The following ITFG1 variants were observed in gnomAD, a reference collection of about 807,000 sequenced individuals.
The protein encoded by ITFG1 is T-cell immunomodulatory protein.
Under a neutral mutation model 81.8 loss-of-function variants are expected in ITFG1, and 34 were observed. The ratio of observed to expected loss-of-function variants is 0.42; its 90% CI spans 0.32 to 0.55. ITFG1 has a LOEUF of 0.55. ITFG1 is among the 20% of genes least tolerant of loss of function. The probability of loss-of-function intolerance (pLI) is 0.17; values close to 1 mark genes in which losing one functional copy is unlikely to be tolerated. For synonymous variants in ITFG1, 285 were observed against 270.6 expected (o/e 1.05, Z -0.52); for missense variants, 672 against 755.4 (o/e 0.89, Z 1.29).
At chr16:47,309,612 C>G (rs1284630418) in intron 10 of ITFG1, among the ~76,000 whole-genome samples, 1 of 152,154 alleles carries the variant, frequency 6.6e-6, no homozygotes, top group African/African-American at 2.4e-5. Flanking sequence ...TGAAATCTAT[C>G]CTTCAATTCT....
intron 6 of ITFG1, among the ~76,000 whole-genome samples, chr16:47,404,152 T>C (rs1420483785): frequency 6.6e-6 from 1 of 152,144 alleles, no homozygotes; most frequent in Non-Finnish European, 1.5e-5. Context: ...TGGGGGCTAG[T>C]GCTCTAGAGA....
chr16:47,250,817 G>A (rs1966064748), intron 12 of ITFG1, among the ~76,000 whole-genome samples: 1 of 152,240 alleles, frequency 6.6e-6, no homozygotes, highest in Non-Finnish European at 1.5e-5. Context: ...GGGGCAATGG[G>A]GGTGGACCCC....
At chr16:47,251,529 A>G (rs767851820) in intron 12 of ITFG1, among the ~76,000 whole-genome samples, 2 of 152,150 alleles carry the variant, frequency 1.3e-5, no homozygotes, top group Non-Finnish European at 2.9e-5. Flanking sequence ...ACAGCTTAAG[A>G]GAAGGAAGAC....
At chr16:47,341,652 C>G (rs949681960) in intron 8 of ITFG1, among the ~76,000 whole-genome samples, 3 of 151,650 alleles carry the variant, frequency 2.0e-5, no homozygotes, top group Non-Finnish European at 4.4e-5. Context: ...ATAGACAGAC[C>G]ATTAGAAAAG....
At chr16:47,366,677 GTTC>G (rs1285670251) in intron 7 of ITFG1, among the ~76,000 whole-genome samples, 1 of 152,156 alleles carries the variant, frequency 6.6e-6, no homozygotes, top group African/African-American at 2.4e-5. Context: ...TTTGTACAGA[GTTC>G]TTCTTATCAC....
intron 6 of ITFG1, among the ~76,000 whole-genome samples, chr16:47,386,232 G>A (rs573373728): frequency 1.3e-5 from 2 of 152,152 alleles, no homozygotes; most frequent in African/African-American, 2.4e-5. Flanking sequence ...TATAACAAAC[G>A]AAGAAACATT....
chr16:47,167,120 T>A (rs1159973753), intron 14 of ITFG1, among the ~76,000 whole-genome samples: 1 of 152,220 alleles, frequency 6.6e-6, no homozygotes, highest in Non-Finnish European at 1.5e-5. Context: ...ACCTCTAATC[T>A]GCTTTCATTC....
At chr16:47,332,934 T>C (rs1294005990) in intron 8 of ITFG1, among the ~76,000 whole-genome samples, 1 of 152,232 alleles carries the variant, frequency 6.6e-6, no homozygotes, top group Non-Finnish European at 1.5e-5. Context: ...TATGAAATAA[T>C]TGAAACATCA....
At chr16:47,326,986 T>C (rs1223968097) in intron 8 of ITFG1, among the ~76,000 whole-genome samples, 1 of 152,094 alleles carries the variant, frequency 6.6e-6, no homozygotes, top group Non-Finnish European at 1.5e-5. Flanking sequence ...TTAAAGTGCA[T>C]ATGGAACCAA....
intron 6 of ITFG1, among the ~76,000 whole-genome samples, chr16:47,417,391 G>C (rs563521259): frequency 6.6e-6 from 1 of 152,208 alleles, no homozygotes; most frequent in South Asian, 2.1e-4. Context: ...ATTTATTTCT[G>C]TGTGTCAGGA....
chr16:47,254,109 A>T (rs1339856254), intron 12 of ITFG1, among the ~76,000 whole-genome samples: 1 of 151,996 alleles, frequency 6.6e-6, no homozygotes, highest in Non-Finnish European at 1.5e-5. Context: ...CATTATGAGG[A>T]GGTGAGGTCT....
intron 5 of ITFG1, among the ~76,000 whole-genome samples, chr16:47,429,648 G>T (rs1035596113): frequency 6.6e-6 from 1 of 152,122 alleles, no homozygotes; most frequent in Non-Finnish European, 1.5e-5. Flanking sequence ...TTTCACTGTG[G>T]TTTGATTTGT....
intron 14 of ITFG1, among the ~76,000 whole-genome samples, chr16:47,179,877 C>T (rs532648031): frequency 5.9e-5 from 9 of 152,162 alleles, no homozygotes; most frequent in African/African-American, 1.2e-4. Context: ...CTTCTTAAAA[C>T]GACGGTTGTC....
rs543829680 is a variant in ITFG1, at chr16:47,441,686, A to G, written c.560+9710T>C. 3.0e-3 allele frequency among the ~76,000 whole-genome samples: 464 copies of G among 152,294 alleles called. 2 individuals carry two copies. Among genetic ancestry groups the G allele is most frequent in the African/African-American group, 0.01 (435 of 41,554 alleles). On this transcript the variant is annotated intron_variant, in intron 5 of 17. Coordinates refer to ENST00000320640, the MANE Select transcript of ITFG1 (RefSeq NM_030790.5). ...GTATTGATGGGACATATCTCAAAAT[A>G]ATAAGAGCTATCTATGACAAACCCA...
chr16:47,457,058 C>T (rs888897831), intron 2 of ITFG1, among the ~76,000 whole-genome samples: 5 of 151,960 alleles, frequency 3.3e-5, no homozygotes, highest in Non-Finnish European at 1.5e-5. Context: ...AAATACTGTC[C>T]CAGCACTTTG....
At chr16:47,385,000 A>G (rs1019915703) in intron 6 of ITFG1, among the ~76,000 whole-genome samples, 1 of 152,236 alleles carries the variant, frequency 6.6e-6, no homozygotes, top group Non-Finnish European at 1.5e-5. Context: ...AATTATGAAT[A>G]CATACTATTG....
intron 6 of ITFG1, among the ~76,000 whole-genome samples, chr16:47,382,663 GGGT>G (rs1459677838): frequency 6.7e-6 from 1 of 150,120 alleles, no homozygotes; most frequent in Non-Finnish European, 1.5e-5. Context: ...GGGTGGGGGT[GGGT>G]GGTGGAAACC....
At chr16:47,179,595 A>C (rs1318462909) in intron 14 of ITFG1, among the ~76,000 whole-genome samples, 1 of 152,124 alleles carries the variant, frequency 6.6e-6, no homozygotes, top group East Asian at 1.9e-4. Flanking sequence ...AAGATGAATA[A>C]TTTTTTGATA....
intron 2 of ITFG1, among the ~76,000 whole-genome samples, chr16:47,458,132 T>G (rs1969476617): frequency 6.6e-6 from 1 of 152,252 alleles, no homozygotes; most frequent in African/African-American, 2.4e-5. Flanking sequence ...ACTGTTTTCA[T>G]CATCTCTCCT....
Sources: allele counts gnomAD v4.1 joint callset (sites outside exome capture counted in the v4.1 genomes callset), GRCh38; gene constraint gnomAD v4.1.1; transcripts MANE v1.5; gene names NCBI Gene and HGNC (gene_info 2026-07-23, HGNC 2026-07-21).